The following NRXN3 variants were observed in gnomAD, a reference collection of about 807,000 sequenced individuals.
The protein encoded by NRXN3 is neurexin III.
Under a neutral mutation model 137.6 loss-of-function variants are expected in NRXN3, and 32 were observed. That is an observed-to-expected ratio of 0.23 (90% confidence interval 0.18 to 0.31). The LOEUF (loss-of-function observed/expected upper bound fraction) is 0.31, where lower values mean the gene tolerates loss of function less well. Ranked by LOEUF, NRXN3 falls within the 10% of genes least tolerant of loss-of-function variation. The pLI, the probability that NRXN3 is intolerant of heterozygous loss-of-function variation, is 1.00. For missense variants in NRXN3, 1,574 were observed against 2,062.5 expected (o/e 0.76, Z 4.59); for synonymous variants, 798 against 784.5 (o/e 1.02, Z -0.29).
At chr14:78,416,944 A>AG (rs1271986444) in intron 4 of NRXN3, among the ~76,000 whole-genome samples, 1 of 152,230 alleles carries the variant, frequency 6.6e-6, no homozygotes, top group East Asian at 1.9e-4. Context: ...ATGAAACAGA[A>AG]GGACTTTATT....
intron 10 of NRXN3, among the ~76,000 whole-genome samples, chr14:78,867,359 A>G (rs1596671713): frequency 6.6e-6 from 1 of 152,304 alleles, no homozygotes; most frequent in East Asian, 1.9e-4. Flanking sequence ...TTTTGCTAAC[A>G]TCTTGAATTC....
chr14:79,767,231 A>G (rs2099058987), intron 19 of NRXN3, among the ~76,000 whole-genome samples: 1 of 152,158 alleles, frequency 6.6e-6, no homozygotes, highest in Non-Finnish European at 1.5e-5. Context: ...ACTGGGGCCC[A>G]TTCTCTGGGC....
chr14:79,208,548 T>C (rs1005027181), intron 15 of NRXN3, among the ~76,000 whole-genome samples: 1 of 152,182 alleles, frequency 6.6e-6, no homozygotes, highest in Non-Finnish European at 1.5e-5. Context: ...TCATCTAAAC[T>C]TTTATTTTCT....
At chr14:79,496,214 T>TTCTCTCTCTCTC (rs149328690) in intron 16 of NRXN3, among the ~76,000 whole-genome samples, 1 of 144,644 alleles carries the variant, frequency 6.9e-6, no homozygotes, top group Admixed American at 6.9e-5. Context: ...TTGAACTTAA[T>TTCTCTCTCTCTC]TCTCTCTCTC....
At chr14:78,647,660 C>T (rs1002962548) in intron 5 of NRXN3, among the ~76,000 whole-genome samples, 1 of 152,124 alleles carries the variant, frequency 6.6e-6, no homozygotes, top group Non-Finnish European at 1.5e-5. Context: ...AGAAAGTGAA[C>T]CTAAAATTGA....
chr14:78,830,836 C>A (rs1342009668), intron 10 of NRXN3, among the ~76,000 whole-genome samples: 1 of 151,998 alleles, frequency 6.6e-6, no homozygotes, highest in Non-Finnish European at 1.5e-5. Flanking sequence ...ACAAGAGTTT[C>A]CATTTTATAT....
intron 20 of NRXN3, among the ~76,000 whole-genome samples, chr14:79,834,965 T>C (rs2099334553): frequency 6.6e-6 from 1 of 152,024 alleles, no homozygotes; most frequent in Non-Finnish European, 1.5e-5. Context: ...CCAACCCTAA[T>C]AGCCTCTCAT....
At chr14:78,867,288 C>G (rs1278567860) in intron 10 of NRXN3, among the ~76,000 whole-genome samples, 1 of 152,094 alleles carries the variant, frequency 6.6e-6, no homozygotes, top group Admixed American at 6.6e-5. Flanking sequence ...GTCTTGGTTT[C>G]AAGTCTAATA....
At chr14:79,512,664 A>G (rs559122090) in intron 16 of NRXN3, among the ~76,000 whole-genome samples, 35 of 152,308 alleles carry the variant, frequency 2.3e-4, no homozygotes, top group African/African-American at 7.9e-4. Context: ...AGGCTAGTCC[A>G]CAATAGTGGG....
intron 19 of NRXN3, among the ~76,000 whole-genome samples, chr14:79,795,434 G>T (rs1412759836): frequency 6.6e-6 from 1 of 152,090 alleles, no homozygotes; most frequent in African/African-American, 2.4e-5. Context: ...ACATTTCTCT[G>T]TGGGAGGTTG....
intron 4 of NRXN3, among the ~76,000 whole-genome samples, chr14:78,620,047 G>A (rs1029237881): frequency 5.3e-5 from 8 of 152,130 alleles, no homozygotes; most frequent in African/African-American, 1.4e-4. Context: ...CCAGTCTATG[G>A]TATTTTGTTA....
intron 6 of NRXN3, among the ~76,000 whole-genome samples, chr14:78,705,212 G>T (rs994098508): frequency 6.6e-6 from 1 of 152,204 alleles, no homozygotes; most frequent in Non-Finnish European, 1.5e-5. Context: ...TCTGTCATTT[G>T]ATGCCACATC....
At chr14:78,939,096 C>T (rs1354156982) in intron 10 of NRXN3, among the ~76,000 whole-genome samples, 1 of 151,950 alleles carries the variant, frequency 6.6e-6, no homozygotes, top group African/African-American at 2.4e-5. Context: ...CCGCCCGCCT[C>T]GGCCTCCCAA....
chr14:79,126,621 G>A (rs1429019372), intron 15 of NRXN3, among the ~76,000 whole-genome samples: 3 of 152,190 alleles, frequency 2.0e-5, no homozygotes, highest in Admixed American at 6.5e-5. Context: ...TGTGAATAAT[G>A]CCGCAATAAA....
chr14:78,739,469 C>T (rs554071369), intron 8 of NRXN3, among the ~76,000 whole-genome samples: 24 of 152,212 alleles, frequency 1.6e-4, no homozygotes, highest in Non-Finnish European at 2.9e-4. Flanking sequence ...ACAGACAACT[C>T]TTTATATCTT....
At chr14:78,210,855 T>G (rs2062675245) in intron 1 of NRXN3, among the ~76,000 whole-genome samples, 1 of 137,676 alleles carries the variant, frequency 7.3e-6, no homozygotes, top group South Asian at 2.1e-4. Flanking sequence ...GAGCAAATCG[T>G]TTTTTTAATT....
chr14:78,974,473 A>G (rs2099456513), intron 14 of NRXN3, among the ~76,000 whole-genome samples: 1 of 152,254 alleles, frequency 6.6e-6, no homozygotes, highest in Non-Finnish European at 1.5e-5. Context: ...TGTAGGGAGA[A>G]GTGAGTCATT....
chr14:79,763,158 A>G (rs931314782), intron 19 of NRXN3, among the ~76,000 whole-genome samples: 10 of 151,486 alleles, frequency 6.6e-5, no homozygotes, highest in Non-Finnish European at 1.0e-4. Flanking sequence ...GCTGAAAATG[A>G]TGGTTTCCAG....
chr14:79,378,303 C>T (rs1383739821), intron 15 of NRXN3, among the ~76,000 whole-genome samples: 1 of 152,190 alleles, frequency 6.6e-6, no homozygotes, highest in African/African-American at 2.4e-5. Context: ...CTCACATTCA[C>T]ACTGAAGTTG....
Sources: gnomAD v4.1 joint callset for allele counts (sites outside exome capture counted in the v4.1 genomes callset) on GRCh38, gnomAD v4.1.1 for gene constraint, MANE v1.5 for transcripts, NCBI Gene and HGNC (gene_info 2026-07-23, HGNC 2026-07-21) for gene names.